TRMT2B: variants seen among roughly 807,000 people sequenced by gnomAD.
TRMT2B encodes tRNA (uracil-5-)-methyltransferase homolog B.
TRMT2B carries 34 observed loss-of-function variants against 39.7 expected under a neutral mutation model. The observed-to-expected ratio is 0.86, with a 90% CI of 0.65 to 1.14. The LOEUF (loss-of-function observed/expected upper bound fraction) is 1.14, where lower values mean the gene tolerates loss of function less well. TRMT2B is among the 50% of genes most tolerant of loss of function. TRMT2B has a pLI of 0.00. For missense variants in TRMT2B, 318 were observed against 377.2 expected (o/e 0.84, Z 1.30); for synonymous variants, 132 against 137.3 (o/e 0.96, Z 0.27).
At chrX:100,990,321 T>C in the TRMT2B span, 1 of 901,345 alleles carries the variant, frequency 1.1e-6, no homozygotes, top group Non-Finnish European at 1.4e-6. Flanking sequence ...CTTTTTCTCT[T>C]TTTACTTTCA....
chrX:101,013,392 A>G (rs1296503235), intron 13 of TRMT2B, among the ~76,000 whole-genome samples: 1 of 111,609 alleles, frequency 9.0e-6, no homozygotes, highest in African/African-American at 3.3e-5. Flanking sequence ...AGAATCAACT[A>G]AAAAATGAAT....
At chrX:101,007,563 C>T (rs951679293), downstream of TRMT2B, among the ~76,000 whole-genome samples, 2 of 110,670 alleles carry the variant, frequency 1.8e-5, no homozygotes, top group Admixed American at 9.6e-5. Context: ...GGCTGAGGCA[C>T]GAGAATTGCT....
downstream of TRMT2B, among the ~76,000 whole-genome samples, chrX:101,007,670 A>C (rs926667320): frequency 8.1e-5 from 9 of 111,371 alleles, no homozygotes; most frequent in Non-Finnish European, 1.3e-4. Flanking sequence ...TTACTAACTA[A>C]ATAAAATAAA....
the TRMT2B span, chrX:100,985,877 T>C: frequency 8.3e-7 from 1 of 1,207,887 alleles, no homozygotes; most frequent in Non-Finnish European, 1.1e-6. Flanking sequence ...TTAACACATC[T>C]GCTGTCCGAT....
At chrX:101,037,120 C>G (rs1476018657) in intron 5 of TRMT2B, 47 bp from the exon 6 acceptor site, 2 of 965,934 alleles carry the variant, frequency 2.1e-6, no homozygotes, top group Non-Finnish European at 3.0e-6. Context: ...TCAAATGAAA[C>G]CAAGGAAGAT....
chrX:101,046,913 C>T (rs1258345290), intron 2 of TRMT2B, among the ~76,000 whole-genome samples: 5 of 108,534 alleles, frequency 4.6e-5, no homozygotes, highest in Admixed American at 1.0e-4. Flanking sequence ...GCAACAAGAG[C>T]GAAACTCCGT....
intron 9 of TRMT2B, 44 bp downstream of exon 9, chrX:101,021,924 A>G (rs1303854195): frequency 1.7e-5 from 17 of 996,525 alleles, no homozygotes; most frequent in Non-Finnish European, 2.4e-5. Context: ...CCATAAACCA[A>G]GAGTCTGGCA....
intron 5 of TRMT2B, 84 bp downstream of exon 5, chrX:101,037,833 C>G: frequency 2.0e-6 from 2 of 1,014,550 alleles, no homozygotes; most frequent in Non-Finnish European, 2.7e-6. Flanking sequence ...GGCCTGGTCC[C>G]TAGCAAGTAC....
intron 4 of TRMT2B, among the ~76,000 whole-genome samples, chrX:101,039,289 C>T (rs1170185053): frequency 9.1e-6 from 1 of 109,897 alleles, no homozygotes; most frequent in African/African-American, 3.3e-5. Flanking sequence ...CCAGGATGGT[C>T]TCGGATCTCC....
intron 4 of TRMT2B, among the ~76,000 whole-genome samples, chrX:101,038,611 A>G (rs777590458): frequency 2.4e-4 from 27 of 111,642 alleles, no homozygotes; most frequent in African/African-American, 7.8e-4. Flanking sequence ...CACTCAAGGT[A>G]TATGTCAGTT....
chrX:100,988,922 T>G, the TRMT2B span, among the ~76,000 whole-genome samples: 17 of 102,126 alleles, frequency 1.7e-4, no homozygotes, highest in Non-Finnish European at 7.8e-5. Flanking sequence ...ACCAGTAATC[T>G]CAATTCTTGA....
chrX:101,002,162 GC>G, the TRMT2B span, among the ~76,000 whole-genome samples: 1 of 111,175 alleles, frequency 9.0e-6, no homozygotes, highest in South Asian at 3.8e-4. Context: ...TCCCCGTATG[GC>G]CTGCATTTCA....
chrX:101,037,022 G>C lies in TRMT2B; in HGVS notation c.490C>G (p.Pro164Ala). 1 of 1,211,491 alleles carries C rather than the reference G, an allele frequency of 8.3e-7. No homozygotes were observed. The highest frequency in any genetic ancestry group is 1.1e-6 in the Non-Finnish European group (1 of 895,412). The change falls in exon 6 of 14, where the codon CCA (proline) becomes GCA (alanine). Residue 164 changes from proline (P) to alanine (A), a missense_variant. Pro to Ala is a conservative substitution (Grantham distance 27, BLOSUM62 -1). Coordinates refer to ENST00000372936, the MANE Select transcript of TRMT2B (RefSeq NM_024917.6). ...NKSTFSVNRG[P>A]DGNPKTVGFY... ...CCCACAGTCTTTGGATTGCCATCTGGACCTCGGTTCACAGAGAAGGTGGAC... is the reference window on the plus strand; with the variant it reads ...CCCACAGTCTTTGGATTGCCATCTGCACCTCGGTTCACAGAGAAGGTGGAC...
At chrX:101,051,084 C>CAAAA (rs36049036) in intron 2 of TRMT2B, among the ~76,000 whole-genome samples, 167 bp downstream of exon 2, 1 of 75,243 alleles carries the variant, frequency 1.3e-5, no homozygotes. Flanking sequence ...TTTTCCTCAG[C>CAAAA]AAAAAAAAAA....
chrX:100,973,801 C>A, the TRMT2B span: 1 of 1,105,316 alleles, frequency 9.0e-7, no homozygotes, highest in Non-Finnish European at 1.3e-6. Flanking sequence ...TCCCACAAAT[C>A]TGCCCATAGT....
At chrX:100,988,357 C>G in the TRMT2B span, 1 of 1,207,143 alleles carries the variant, frequency 8.3e-7, no homozygotes, top group Non-Finnish European at 1.1e-6. Context: ...CTTTCCCCCC[C>G]ATCATCTTCT....
intron 10 of TRMT2B, 51 bp downstream of exon 10, chrX:101,021,050 G>C: frequency 8.9e-7 from 1 of 1,124,276 alleles, no homozygotes; most frequent in Non-Finnish European, 1.2e-6. Context: ...CAAGCTACAA[G>C]GGCCTTGGGA....
intron 7 of TRMT2B, among the ~76,000 whole-genome samples, chrX:101,029,302 G>T (rs996488556): frequency 9.0e-6 from 1 of 111,054 alleles, no homozygotes; most frequent in African/African-American, 3.3e-5. Flanking sequence ...TGACATTTGG[G>T]GGCAGAAAAT....
chrX:100,984,666 C>T, the TRMT2B span, among the ~76,000 whole-genome samples: 1 of 112,040 alleles, frequency 8.9e-6, no homozygotes, highest in Non-Finnish European at 1.9e-5. Flanking sequence ...GACATCCTCC[C>T]TCATATAGCT....
Sources: allele counts gnomAD v4.1 joint callset (sites outside exome capture counted in the v4.1 genomes callset), GRCh38; gene constraint gnomAD v4.1.1; transcripts MANE v1.5; gene names NCBI Gene and HGNC (gene_info 2026-07-23, HGNC 2026-07-21).